Variants in RCC2 observed in about 807,000 individuals in gnomAD.
RCC2 encodes the protein regulator of chromosome condensation 2.
A neutral mutation model predicts 64.1 loss-of-function variants in RCC2; 19 were observed. The observed-to-expected ratio is 0.30, with a 90% CI of 0.21 to 0.44. The LOEUF (loss-of-function observed/expected upper bound fraction) is 0.44. RCC2 is among the 20% of genes least tolerant of loss of function. The pLI is 1.00. For missense variants in RCC2, 508 were observed against 710.4 expected, an observed-to-expected ratio of 0.72 and a Z score of 3.24; for synonymous variants, 325 against 279.6, an observed-to-expected ratio of 1.16 and a Z score of -1.62.
chr1:17,420,851 T>C (rs1181937513), intron 6 of RCC2, 23 bp from the exon 7 acceptor site: 3 of 1,497,404 alleles, frequency 2.0e-6, no homozygotes, highest in Non-Finnish European at 2.7e-6. Context: ...GAAAGGAGAC[T>C]TTCATTTTTT....
chr1:17,412,745 C>T (rs555316701), intron 10 of RCC2, among the ~76,000 whole-genome samples: 37 of 152,254 alleles, frequency 2.4e-4, no homozygotes, highest in Non-Finnish European at 4.8e-4. Context: ...CACAGCAACT[C>T]AAGTCCTGCT....
At position 17,410,879 on chromosome 1, in the gene RCC2, T is replaced by C. The variant is rs1057015830; in HGVS notation, c.1387-828A>G. Among the ~76,000 whole-genome samples the C allele has an allele frequency of 7.2e-5, 11 of 152,304 alleles. 1 individual carries two copies. The highest frequency in any genetic ancestry group is 2.6e-4 in the African/African-American group (11 of 41,568). On this transcript the variant is annotated intron_variant, in intron 11 of 12. Coordinates refer to ENST00000375436, the MANE Select transcript of RCC2 (RefSeq NM_018715.4). Reference sequence around the variant, plus strand: ...AATTTATATTTAGAAGGTCAAAGTCTATTTCTGATAGGCCCCAGAAAACAT... The same window carrying C: ...AATTTATATTTAGAAGGTCAAAGTCCATTTCTGATAGGCCCCAGAAAACAT...
rs56926341 is a variant in RCC2 at position 17,408,789 on chromosome 1, TAA to T, written c.*299_*300del. 84 of 256,980 alleles carry T rather than the reference TAA, an allele frequency of 3.3e-4. No individual in the cohort carries two copies. The highest frequency in any genetic ancestry group is 1.2e-3 in the Middle Eastern group (1 of 816). The allele number at this position is 256,980 out of a possible 1,614,324, so 15.9% of individuals were successfully genotyped here. A position where few individuals can be genotyped will look rare whatever the true frequency, so the allele number is the denominator to read the frequency against. On this transcript the variant is annotated 3_prime_UTR_variant, in exon 13 of 13. Transcript: ENST00000375436. Reference sequence around the variant, plus strand: ...TCAGGAGAGGAAGAAAGAAAAAACTTAAAAAAAAAAAAAACCTAGATTGCTCA... The same window carrying T: ...TCAGGAGAGGAAGAAAGAAAAAACTTAAAAAAAAAAAACCTAGATTGCTCA...
chr1:17,413,064 G>A lies in RCC2; in HGVS notation c.1313+9C>T, dbSNP rs1427832393. 6.2e-7 allele frequency: 1 copy of A among 1,600,694 alleles called. No homozygotes were observed. The highest frequency in any genetic ancestry group is 8.6e-7 in the Non-Finnish European group (1 of 1,168,594). ...AGACCTCATACCCACAGGAGATGCT[G>A]CCACCTACCCACAAGCCAGGCTCCG... On this transcript the variant is annotated intron_variant, in intron 10 of 12. Coordinates refer to ENST00000375436, the MANE Select transcript of RCC2 (RefSeq NM_018715.4).
rs768789589 is a variant in RCC2, at chr1:17,409,105, G to C, written c.1554C>G (p.Asn518Lys). 2.5e-6 allele frequency: 4 copies of C among 1,612,950 alleles called. No individual in the cohort carries two copies. The highest frequency in any genetic ancestry group is 2.5e-6 in the Non-Finnish European group (3 of 1,178,950). ...TCCGGGAGCATCAGAGGGTTCGGGGGTTGTATTCTGGCAGTTTCTTGATCT... is the reference window on the plus strand; with the variant it reads ...TCCGGGAGCATCAGAGGGTTCGGGGCTTGTATTCTGGCAGTTTCTTGATCT... ...KEKIKKLPEY[N>K]PRTL The change falls in exon 13 of 13, where the codon AAC becomes AAG. Residue 518 changes from asparagine (N) to lysine (K), a missense_variant. Physicochemically the swap from Asn to Lys is moderately conservative, Grantham distance 94. Transcript: ENST00000375436.
chr1:17,435,918 C>CA lies in RCC2; in HGVS notation c.285+2311dup, dbSNP rs57932179. ...GGGCAACAACAGCTAAACTCCAGCT[C>CA]AAAAAAAAAAAAAAAAAAGCAAAAC... On this transcript the variant is annotated intron_variant, in intron 2 of 12. Transcript: ENST00000375436. Among the ~76,000 whole-genome samples the CA allele has an allele frequency of 6.9e-3, 604 of 87,982 alleles. 4 individuals carry two copies. The highest frequency in any genetic ancestry group is 0.015 in the South Asian group (39 of 2,662). 57.7% of individuals were successfully genotyped at this position (87,982 alleles called of 152,430 possible). A position where few individuals can be genotyped will look rare whatever the true frequency, so the allele number is the denominator to read the frequency against.
At chr1:17,437,706 C>G (rs1019565670) in intron 2 of RCC2, among the ~76,000 whole-genome samples, 2 of 146,754 alleles carry the variant, frequency 1.4e-5, no homozygotes, top group African/African-American at 4.9e-5. Context: ...CCCGCCCCCC[C>G]CGGGCGCCGG....
At chr1:17,438,205 C>G in intron 2 of RCC2, 25 bp downstream of exon 2, 2 of 1,209,600 alleles carry the variant, frequency 1.7e-6, no homozygotes, top group South Asian at 5.4e-5. Flanking sequence ...CCTGCGCCCA[C>G]CCGTCTACCC....
At chr1:17,438,898 C>A (rs1036487601) in intron 1 of RCC2, among the ~76,000 whole-genome samples, 1 of 152,208 alleles carries the variant, frequency 6.6e-6, no homozygotes, top group African/African-American at 2.4e-5. Flanking sequence ...AAGAAGGCTT[C>A]GGGACACTTC....
chr1:17,438,547 C>G (rs779288794), intron 1 of RCC2, 25 bp from the exon 2 acceptor site: 2 of 1,305,536 alleles, frequency 1.5e-6, no homozygotes, highest in African/African-American at 3.0e-5. Context: ...GGGGCAGCGG[C>G]GCACAATGGA....
chr1:17,438,449 G>A lies in RCC2; in HGVS notation c.66C>T (p.Arg22=). The A allele has an allele frequency of 7.7e-7, 1 of 1,298,496 alleles. No homozygotes were observed. Among genetic ancestry groups the A allele is most frequent in the African/African-American group, 1.5e-5 (1 of 65,356 alleles). 80.4% of individuals were successfully genotyped at this position (1,298,496 alleles called of 1,614,324 possible). A position where few individuals can be genotyped will look rare whatever the true frequency, so the allele number is the denominator to read the frequency against. Residue 22 remains arginine, a synonymous_variant, in exon 2 of 13, where the codon CGC becomes CGT. Transcript: ENST00000375436. ...EEPSSGNGTA[R]AGPRKRGGPA... ...GGCCGCCGCGTTTCCTGGGCCCGGC[G>A]CGGGCAGTGCCGTTGCCCGAGCTCG...
chr1:17,421,484 ACT>A (rs1441134000), intron 6 of RCC2, among the ~76,000 whole-genome samples: 2 of 147,524 alleles, frequency 1.4e-5, no homozygotes, highest in East Asian at 2.0e-4. Context: ...ACAGAGCGAG[ACT>A]CTGTCTCCCC....
At chr1:17,426,586 C>T (rs564763335) in intron 3 of RCC2, among the ~76,000 whole-genome samples, 7 of 152,222 alleles carry the variant, frequency 4.6e-5, no homozygotes, top group African/African-American at 1.7e-4. Context: ...CCCAGCCCTC[C>T]CACTCCATGA....
Position 17,422,183 on chromosome 1 carries a change from C to G in RCC2, c.744+20G>C, listed in dbSNP as rs755009980. ...AAAGAGAAACAAAAAGCCATGGAGCCGGAGCTGAGGAGGGGTCACCTGCGC... is the reference window on the plus strand; with the variant it reads ...AAAGAGAAACAAAAAGCCATGGAGCGGGAGCTGAGGAGGGGTCACCTGCGC... On this transcript the variant is annotated intron_variant, in intron 6 of 12. Coordinates refer to ENST00000375436, the MANE Select transcript of RCC2 (RefSeq NM_018715.4). 2.6e-6 allele frequency: 4 copies of G among 1,556,538 alleles called. No individual in the cohort carries two copies. The highest frequency in any genetic ancestry group is 8.8e-7 in the Non-Finnish European group (1 of 1,140,474).
In RCC2 at chr1:17,408,149, G is replaced by C. The variant is rs753892639; in HGVS notation, c.*941C>G. On this transcript the variant is annotated 3_prime_UTR_variant, in exon 13 of 13. Transcript: ENST00000375436. ...GGCCCGCGCGAGGCAGGATCCAGGC[G>C]GGGGGGAGAAAAAGAGACCAAAGCA... 7.9e-5 allele frequency: 12 copies of C among 152,452 alleles called. No individual in the cohort carries two copies. The East Asian group carries it at 1.2e-3, about 15-fold the overall frequency. The allele number at this position is 152,452 out of a possible 1,614,324, so 9.4% of individuals were successfully genotyped here.
At chr1:17,428,956 A>G in intron 3 of RCC2, 150 bp downstream of exon 3, 1 of 654,392 alleles carries the variant, frequency 1.5e-6, no homozygotes, top group South Asian at 1.8e-5. Context: ...AATCCAGCTC[A>G]TCACTACAGT....
intron 6 of RCC2, among the ~76,000 whole-genome samples, chr1:17,421,287 G>A (rs2100370127): frequency 6.6e-6 from 1 of 152,212 alleles, no homozygotes; most frequent in South Asian, 2.1e-4. Context: ...AGGAAGTCAA[G>A]AGATGGAGAC....
chr1:17,420,010 A>AGCGCGCGCGGCCAGCAGAGGGC (rs1217983420), intron 7 of RCC2, among the ~76,000 whole-genome samples: 6 of 152,196 alleles, frequency 3.9e-5, no homozygotes, highest in Non-Finnish European at 8.8e-5. Flanking sequence ...CGGCTGCAGG[A>AGCGCGCGCGGCCAGCAGAGGGC]GCGCGCGCGG....
intron 9 of RCC2, among the ~76,000 whole-genome samples, 176 bp downstream of exon 9, chr1:17,413,361 G>A (rs1186006743): frequency 6.6e-6 from 1 of 152,160 alleles, no homozygotes; most frequent in Non-Finnish European, 1.5e-5. Flanking sequence ...GTGGTGGTAG[G>A]ACTGCTTGAG....
Sources: gnomAD v4.1 joint callset for allele counts (sites outside exome capture counted in the v4.1 genomes callset) on GRCh38, gnomAD v4.1.1 for gene constraint, MANE v1.5 for transcripts, NCBI Gene and HGNC (gene_info 2026-07-23, HGNC 2026-07-21) for gene names.